The following RBFOX1 variants were observed in gnomAD, a reference collection of about 807,000 sequenced individuals.
RBFOX1 encodes RNA binding fox-1 homolog 1.
RBFOX1 carries 8 observed loss-of-function variants against 57.7 expected under a neutral mutation model. The observed-to-expected ratio is 0.14, with a 90% CI of 0.08 to 0.25. The LOEUF is 0.25. RBFOX1 is among the 10% of genes least tolerant of loss of function. The pLI is 1.00. For synonymous variants in RBFOX1, 326 were observed against 222.4 expected, an observed-to-expected ratio of 1.47 and a Z score of -4.15; for missense variants, 611 against 548.5, an observed-to-expected ratio of 1.11 and a Z score of -1.14.
At chr16:6,469,841 A>T (rs962349310) in intron 2 of RBFOX1, among the ~76,000 whole-genome samples, 13 of 152,192 alleles carry the variant, frequency 8.5e-5, no homozygotes, top group Non-Finnish European at 1.5e-4. Flanking sequence ...TAGGAATCCT[A>T]CAGTTCCCTT....
At chr16:6,518,611 C>G (rs571894557) in intron 2 of RBFOX1, among the ~76,000 whole-genome samples, 1 of 152,278 alleles carries the variant, frequency 6.6e-6, no homozygotes, top group African/African-American at 2.4e-5. Flanking sequence ...CTTACTGCCT[C>G]CAGCTCTTGG....
At chr16:7,270,664 C>G (rs1396800234) in intron 4 of RBFOX1, among the ~76,000 whole-genome samples, 3 of 152,168 alleles carry the variant, frequency 2.0e-5, no homozygotes, top group Non-Finnish European at 4.4e-5. Flanking sequence ...CAAACCTCTA[C>G]TATTCTACCT....
At chr16:5,748,388 G>A (rs1282482961) in intron 3 of RBFOX1, among the ~76,000 whole-genome samples, 2 of 152,124 alleles carry the variant, frequency 1.3e-5, no homozygotes, top group Non-Finnish European at 2.9e-5. Context: ...ATGTCTATTA[G>A]GTCTGCTTGG....
intron 3 of RBFOX1, among the ~76,000 whole-genome samples, chr16:6,882,840 T>G (rs2063232172): frequency 6.6e-6 from 1 of 152,088 alleles, no homozygotes; most frequent in African/African-American, 2.4e-5. Flanking sequence ...TTCAGAGGCT[T>G]TATGTTCACC....
intron 4 of RBFOX1, among the ~76,000 whole-genome samples, chr16:7,176,836 GA>G (rs548633899): frequency 3.9e-4 from 60 of 152,160 alleles, no homozygotes; most frequent in African/African-American, 1.4e-3. Context: ...TAAATGTAAA[GA>G]AAAAAATACA....
At chr16:5,597,692 G>T (rs1207065482) in intron 2 of RBFOX1, among the ~76,000 whole-genome samples, 1 of 152,060 alleles carries the variant, frequency 6.6e-6, no homozygotes, top group East Asian at 1.9e-4. Flanking sequence ...TAGAGCTTTA[G>T]GCATTGCTGA....
chr16:6,917,967 G>GA (rs2153448372), intron 3 of RBFOX1, among the ~76,000 whole-genome samples: 1 of 152,218 alleles, frequency 6.6e-6, no homozygotes, highest in South Asian at 2.1e-4. Context: ...TAGCCTACAG[G>GA]AGAGCCACTT....
At chr16:7,332,757 A>G in intron 4 of RBFOX1, 1 of 1,374,952 alleles carries the variant, frequency 7.3e-7, no homozygotes, top group Middle Eastern at 2.7e-4. Flanking sequence ...AGCACCTTCC[A>G]TTTTGGTAGC....
At chr16:5,561,443 A>G (rs1004133961) in intron 2 of RBFOX1, among the ~76,000 whole-genome samples, 1 of 152,082 alleles carries the variant, frequency 6.6e-6, no homozygotes, top group Non-Finnish European at 1.5e-5. Flanking sequence ...GGACACAGAC[A>G]TTCTCTTTCT....
At chr16:5,454,945 TC>T (rs2068569764) in intron 1 of RBFOX1, among the ~76,000 whole-genome samples, 7 of 53,792 alleles carry the variant, frequency 1.3e-4, no homozygotes, top group African/African-American at 4.6e-4. Context: ...CTTCCTTCCT[TC>T]CTTCCTTCCT....
At chr16:7,508,344 C>G (rs972099709) in intron 4 of RBFOX1, among the ~76,000 whole-genome samples, 1 of 152,086 alleles carries the variant, frequency 6.6e-6, no homozygotes, top group Non-Finnish European at 1.5e-5. Context: ...AATGCTTTCA[C>G]CAGGGAATTG....
At chr16:7,080,009 T>TAC (rs1288748514) in intron 4 of RBFOX1, among the ~76,000 whole-genome samples, 3 of 143,014 alleles carry the variant, frequency 2.1e-5, no homozygotes, top group African/African-American at 7.8e-5. Flanking sequence ...TGTATATATA[T>TAC]ATACATATAT....
intron 3 of RBFOX1, among the ~76,000 whole-genome samples, chr16:6,883,565 G>C (rs928977847): frequency 1.2e-4 from 18 of 152,310 alleles, no homozygotes; most frequent in African/African-American, 4.3e-4. Flanking sequence ...TAACTGCTCA[G>C]CTTACCTTTA....
intron 3 of RBFOX1, among the ~76,000 whole-genome samples, chr16:6,794,350 A>G (rs937534089): frequency 6.7e-6 from 1 of 149,542 alleles, no homozygotes; most frequent in Non-Finnish European, 1.5e-5. Flanking sequence ...GGCATTCTCA[A>G]ACTACAGGAA....
chr16:7,054,049 T>A (rs1568560961), intron 4 of RBFOX1, among the ~76,000 whole-genome samples: 1 of 151,864 alleles, frequency 6.6e-6, no homozygotes, highest in Non-Finnish European at 1.5e-5. Flanking sequence ...GGTAGCTATC[T>A]CATCTGTAGA....
At chr16:7,049,571 G>C (rs1404983847) in intron 3 of RBFOX1, among the ~76,000 whole-genome samples, 1 of 152,058 alleles carries the variant, frequency 6.6e-6, no homozygotes, top group Admixed American at 6.6e-5. Context: ...TCTTTATATG[G>C]CTGGGTGTCT....
intron 4 of RBFOX1, among the ~76,000 whole-genome samples, chr16:7,204,881 A>G (rs560702242): frequency 2.6e-5 from 4 of 151,776 alleles, no homozygotes; most frequent in Admixed American, 1.3e-4. Context: ...TCTGTTCTTG[A>G]CTGTTTTGGA....
intron 4 of RBFOX1, among the ~76,000 whole-genome samples, chr16:7,237,858 G>C (rs1258011561): frequency 6.6e-6 from 1 of 152,136 alleles, no homozygotes; most frequent in East Asian, 1.9e-4. Context: ...AGAAAAATTA[G>C]CTGGACATGG....
At chr16:5,912,453 G>A (rs542319790) in intron 4 of RBFOX1, among the ~76,000 whole-genome samples, 1 of 152,234 alleles carries the variant, frequency 6.6e-6, no homozygotes, top group South Asian at 2.1e-4. Flanking sequence ...ACATGTCACG[G>A]CCACCTGGCA....
Sources: allele counts gnomAD v4.1 joint callset (sites outside exome capture counted in the v4.1 genomes callset), GRCh38; gene constraint gnomAD v4.1.1; transcripts MANE v1.5; gene names NCBI Gene and HGNC (gene_info 2026-07-23, HGNC 2026-07-21).